The following CALM2 variants were observed in gnomAD, a reference collection of about 807,000 sequenced individuals.
The protein encoded by CALM2 is calmodulin 2.
CALM2 carries 2 observed loss-of-function variants against 19.8 expected under a neutral mutation model. That is an observed-to-expected ratio of 0.10 (90% CI 0.04 to 0.32). The LOEUF (loss-of-function observed/expected upper bound fraction) is 0.32. CALM2 is among the 10% of genes least tolerant of loss of function. The pLI is 1.00. For synonymous variants in CALM2, 51 were observed against 52.1 expected (o/e 0.98, Z 0.09); for missense variants, 38 against 178.7 (o/e 0.21, Z 4.49).
intron 2 of CALM2, 95 bp from the exon 3 acceptor site, chr2:47,162,757 G>A: frequency 5.6e-6 from 6 of 1,073,626 alleles, no homozygotes; most frequent in Non-Finnish European, 6.6e-6. Context: ...ACTCAGTGGT[G>A]GGATCGTGCC....
chr2:47,167,814 C>CTTTTCTTTTCTTT, intron 2 of CALM2: 1 of 96,526 alleles, frequency 1.0e-5, no homozygotes, highest in Non-Finnish European at 1.8e-5. Flanking sequence ...TTTTTCTTTT[C>CTTTTCTTTTCTTT]TTTGAGACAG....
chr2:47,165,477 A>T (rs895264747), intron 2 of CALM2, among the ~76,000 whole-genome samples: 5 of 152,224 alleles, frequency 3.3e-5, no homozygotes, highest in African/African-American at 1.2e-4. Flanking sequence ...ATACTTAATA[A>T]ATGTCAAGAT....
chr2:47,175,767 T>TCGAGCGGGGCCGAGCGGGGC (rs561730083), intron 1 of CALM2, among the ~76,000 whole-genome samples: 3 of 150,050 alleles, frequency 2.0e-5, no homozygotes, highest in Non-Finnish European at 1.5e-5. Context: ...CAGCTGGAGC[T>TCGAGCGGGGCCGAGCGGGGC]CGAGCGGGGC....
upstream of CALM2, chr2:47,176,531 C>CAGCGCCTCATA (rs763042955): frequency 1.3e-6 from 2 of 1,584,868 alleles, no homozygotes; most frequent in South Asian, 2.3e-5. Context: ...CCTCCGCCCC[C>CAGCGCCTCATA]AGCGCCTCAT....
chr2:47,172,708 TTGAG>T (rs1666711667), intron 1 of CALM2: 1 of 274,988 alleles, frequency 3.6e-6, no homozygotes, highest in Non-Finnish European at 7.1e-6. Context: ...TAAAAAAAAG[TTGAG>T]CTAAATGTGT....
chr2:47,175,847 C>T lies in CALM2; in HGVS notation c.3+594G>A, dbSNP rs539731226. ...CCGCCCCCACCGGCCGCTCCCTGCG[C>T]CGCGCGGGCTCGGCCCACACAGCGC... On this transcript the variant is annotated intron_variant, in intron 1 of 5. Transcript: ENST00000272298. Among the ~76,000 whole-genome samples, 147 of 147,926 alleles carry T rather than the reference C, an allele frequency of 9.9e-4. 2 individuals carry two copies. The highest frequency in any genetic ancestry group is 3.4e-3 in the African/African-American group (139 of 41,106).
intron 1 of CALM2, among the ~76,000 whole-genome samples, chr2:47,176,062 G>A (rs1188077217): frequency 6.6e-6 from 1 of 152,132 alleles, no homozygotes; most frequent in East Asian, 1.9e-4. Flanking sequence ...TTCGCCCCCT[G>A]CTTGACCTTT....
At chr2:47,169,539 GT>G (rs1240829077) in intron 2 of CALM2, among the ~76,000 whole-genome samples, 1 of 152,046 alleles carries the variant, frequency 6.6e-6, no homozygotes, top group African/African-American at 2.4e-5. Flanking sequence ...TCCCAAAACT[GT>G]TTGCTTTTTG....
upstream of CALM2, chr2:47,176,834 T>C: frequency 4.1e-6 from 4 of 985,452 alleles, no homozygotes; most frequent in South Asian, 4.7e-5. Context: ...CTGCCTCTGA[T>C]TGGCTGGTTT....
intron 1 of CALM2, chr2:47,176,209 G>C: frequency 1.9e-6 from 1 of 538,926 alleles, no homozygotes; most frequent in African/African-American, 1.9e-5. Context: ...ACCACCTCGG[G>C]AACTGTGCGT....
chr2:47,168,384 G>T (rs1666557443), intron 2 of CALM2, among the ~76,000 whole-genome samples: 1 of 152,106 alleles, frequency 6.6e-6, no homozygotes, highest in Non-Finnish European at 1.5e-5. Context: ...TTAACTTAAA[G>T]ACAATAAAGA....
upstream of CALM2, chr2:47,176,924 T>C: frequency 4.1e-6 from 4 of 985,454 alleles, no homozygotes; most frequent in South Asian, 1.4e-4. Flanking sequence ...CGGGCCGCGC[T>C]GTCCTGGCAA....
intron 2 of CALM2, among the ~76,000 whole-genome samples, chr2:47,169,144 G>A (rs944349333): frequency 7.2e-5 from 11 of 152,134 alleles, no homozygotes; most frequent in Non-Finnish European, 1.5e-4. Context: ...ACTGAGTAAC[G>A]TTTTCTACCC....
chr2:47,161,573 A>C (rs72877072), intron 5 of CALM2, 150 bp downstream of exon 5: 1 of 635,016 alleles, frequency 1.6e-6, no homozygotes, highest in African/African-American at 1.9e-5. Flanking sequence ...TGCAGACAAC[A>C]CTCTGAATTT....
intron 1 of CALM2, 36 bp from the exon 2 acceptor site, chr2:47,170,800 A>C: frequency 6.4e-7 from 1 of 1,571,604 alleles, no homozygotes; most frequent in Non-Finnish European, 8.8e-7. Flanking sequence ...TAGTGACTTG[A>C]GAGTATGTAG....
intron 2 of CALM2, among the ~76,000 whole-genome samples, chr2:47,166,659 T>A (rs1666484030): frequency 6.6e-6 from 1 of 152,172 alleles, no homozygotes; most frequent in Non-Finnish European, 1.5e-5. Flanking sequence ...CTCAAAATAA[T>A]AAACCCCAAA....
chr2:47,176,492 T>G lies in CALM2; in HGVS notation c.-49A>C. On this transcript the variant is annotated 5_prime_UTR_variant, in exon 1 of 6. Transcript: ENST00000272298. ...AGACGCGACCACACAACCACTCAGC[T>G]CGCTCTCTCCACTCGGACTAATTCG... The G allele has an allele frequency of 6.2e-7, 1 of 1,612,036 alleles. No individual in the cohort carries two copies. Among genetic ancestry groups the G allele is most frequent in the Non-Finnish European group, 8.5e-7 (1 of 1,179,336 alleles).
At chr2:47,161,109 T>C (rs1402771257) in intron 5 of CALM2, among the ~76,000 whole-genome samples, 1 of 152,222 alleles carries the variant, frequency 6.6e-6, no homozygotes, top group Admixed American at 6.5e-5. Context: ...GACAATATTG[T>C]AAATTCAATG....
At chr2:47,173,526 T>G (rs1446141312) in intron 1 of CALM2, 3 of 152,222 alleles carry the variant, frequency 2.0e-5, no homozygotes, top group African/African-American at 7.2e-5. Flanking sequence ...CTGTCAACAC[T>G]AAGGAGCACG....
Sources: allele counts gnomAD v4.1 joint callset (sites outside exome capture counted in the v4.1 genomes callset), GRCh38; gene constraint gnomAD v4.1.1; transcripts MANE v1.5; gene names NCBI Gene and HGNC (gene_info 2026-07-23, HGNC 2026-07-21).